ART3: variants seen among roughly 807,000 people sequenced by gnomAD.
ART3 encodes the protein ADP-ribosyltransferase 3 (inactive).
In ART3, 49 loss-of-function variants were observed where a neutral mutation model predicts 48.5. That is an observed-to-expected ratio of 1.01 (90% CI 0.80 to 1.28). The LOEUF (loss-of-function observed/expected upper bound fraction) is 1.28, where lower values mean the gene tolerates loss of function less well. Among genes scored for constraint, ART3 ranks in the 50% most tolerant of loss-of-function variants. The pLI is 0.00. For missense variants in ART3, 438 were observed against 454.3 expected, an observed-to-expected ratio of 0.96 and a Z score of 0.33; for synonymous variants, 145 against 157.2, an observed-to-expected ratio of 0.92 and a Z score of 0.58.
chr4:76,052,433 A>G (rs1736201646), intron 1 of ART3, among the ~76,000 whole-genome samples: 1 of 152,194 alleles, frequency 6.6e-6, no homozygotes. Context: ...TGAGAGAGCC[A>G]CTGGTAGCCA....
intron 3 of ART3, among the ~76,000 whole-genome samples, chr4:76,096,963 A>T (rs1281479930): frequency 6.6e-6 from 1 of 152,176 alleles, no homozygotes; most frequent in Non-Finnish European, 1.5e-5. Flanking sequence ...GCTGTTGAGG[A>T]CGTTTAGTAT....
intron 10 of ART3, among the ~76,000 whole-genome samples, chr4:76,105,217 T>C (rs1490144727): frequency 6.6e-6 from 1 of 152,140 alleles, no homozygotes; most frequent in Non-Finnish European, 1.5e-5. Context: ...AGTGCCATCA[T>C]TGGGGTCTTG....
intron 1 of ART3, among the ~76,000 whole-genome samples, chr4:76,044,129 A>G (rs1735264460): frequency 6.6e-6 from 1 of 152,022 alleles, no homozygotes; most frequent in Non-Finnish European, 1.5e-5. Flanking sequence ...TTAAAAATAC[A>G]GGGCCCAAAA....
At chr4:76,024,369 G>A (rs4256246) in intron 1 of ART3, among the ~76,000 whole-genome samples, 20,171 of 151,934 alleles carry the variant, frequency 0.13, 1,795 homozygotes, top group East Asian at 0.38. Flanking sequence ...ATTTACGATG[G>A]GGTTCAGCTC....
upstream of ART3, among the ~76,000 whole-genome samples, chr4:76,070,744 G>A (rs7693606): frequency 0.21 from 31,380 of 152,016 alleles, 5,520 homozygotes; most frequent in African/African-American, 0.48. Context: ...ATTTCTTCAA[G>A]TCTCTGTCAC....
chr4:76,074,014 T>C (rs776352446), upstream of ART3, among the ~76,000 whole-genome samples: 31 of 152,226 alleles, frequency 2.0e-4, no homozygotes, highest in Non-Finnish European at 4.3e-4. Flanking sequence ...TTTTGGTGTA[T>C]GTATGCGTGA....
intron 1 of ART3, chr4:76,035,117 ATACTGT>A (rs1235132573): frequency 1.1e-5 from 18 of 1,589,072 alleles, no homozygotes; most frequent in Non-Finnish European, 1.5e-5. Context: ...TTTCAGGGTA[ATACTGT>A]TAAAAGAACA....
intron 1 of ART3, among the ~76,000 whole-genome samples, chr4:76,052,431 C>T (rs1736201390): frequency 6.6e-6 from 1 of 152,124 alleles, no homozygotes; most frequent in Non-Finnish European, 1.5e-5. Flanking sequence ...CTTGAGAGAG[C>T]CACTGGTAGC....
At chr4:76,034,409 T>G in intron 1 of ART3, 1 of 467,800 alleles carries the variant, frequency 2.1e-6, no homozygotes, top group Non-Finnish European at 3.7e-6. Flanking sequence ...AACAGAATAG[T>G]TGTAAGCATC....
intron 3 of ART3, among the ~76,000 whole-genome samples, chr4:76,090,463 C>A (rs1265112307): frequency 6.6e-6 from 1 of 152,196 alleles, no homozygotes; most frequent in South Asian, 2.1e-4. Flanking sequence ...GCCAGAGATT[C>A]TAATCAGCTG....
chr4:76,112,535 A>C lies in ART3; in HGVS notation c.*16A>C. On this transcript the variant is annotated 3_prime_UTR_variant, in exon 12 of 12. Transcript: ENST00000355810. The stretch of plus-strand genomic sequence containing the variant: ...TGCTCTGTAGTTTGATGCATTGTTT[A>C]TCTTTCTTATTCTTTACTTGAAATA... 6.2e-7 allele frequency: 1 copy of C among 1,605,136 alleles called. No homozygotes were observed. Among genetic ancestry groups the C allele is most frequent in the East Asian group, 2.2e-5 (1 of 44,554 alleles).
intron 3 of ART3, among the ~76,000 whole-genome samples, chr4:76,093,047 T>C (rs1011722085): frequency 1.1e-4 from 17 of 152,300 alleles, no homozygotes; most frequent in Non-Finnish European, 2.4e-4. Context: ...GGCAAGAATC[T>C]GTTTTCTTGC....
At chr4:76,061,926 C>T (rs773793168) in intron 1 of ART3, among the ~76,000 whole-genome samples, 12 of 152,168 alleles carry the variant, frequency 7.9e-5, no homozygotes, top group East Asian at 1.9e-4. Flanking sequence ...GATTTTTACA[C>T]GAATTTCTAG....
intron 3 of ART3, among the ~76,000 whole-genome samples, chr4:76,093,537 T>C (rs1725375998): frequency 1.3e-5 from 2 of 152,202 alleles, no homozygotes; most frequent in East Asian, 3.8e-4. Context: ...TTTATGTTAT[T>C]AGATTGAGCT....
intron 10 of ART3, chr4:76,106,230 C>T (rs1008633782): frequency 1.0e-6 from 1 of 985,244 alleles, no homozygotes. Flanking sequence ...ATTTAGTTAT[C>T]CACTTCTATC....
intron 1 of ART3, among the ~76,000 whole-genome samples, chr4:76,027,846 T>A: frequency 6.7e-6 from 1 of 149,098 alleles, no homozygotes; most frequent in Admixed American, 6.7e-5. Flanking sequence ...GTTTTTCCAG[T>A]CCAGAAATTC....
At chr4:76,048,656 C>T (rs1039681650) in intron 1 of ART3, among the ~76,000 whole-genome samples, 2 of 151,946 alleles carry the variant, frequency 1.3e-5, no homozygotes, top group Admixed American at 6.6e-5. Context: ...AATAGTTGTG[C>T]TCACTGACGC....
intron 3 of ART3, among the ~76,000 whole-genome samples, chr4:76,092,500 GCTC>G (rs1425403190): frequency 6.6e-6 from 1 of 152,188 alleles, no homozygotes; most frequent in Non-Finnish European, 1.5e-5. Context: ...AATCTGCTGT[GCTC>G]CTCATTTCTG....
At chr4:76,103,520 TA>T (rs1391487999) in intron 8 of ART3, among the ~76,000 whole-genome samples, 3 of 152,162 alleles carry the variant, frequency 2.0e-5, no homozygotes, top group Non-Finnish European at 4.4e-5. Context: ...ACTACAAACC[TA>T]AGAGGTAAAT....
Sources: gnomAD v4.1 joint callset for allele counts (sites outside exome capture counted in the v4.1 genomes callset) on GRCh38, gnomAD v4.1.1 for gene constraint, MANE v1.5 for transcripts, NCBI Gene and HGNC (gene_info 2026-07-23, HGNC 2026-07-21) for gene names.